The following SLIT3 variants were observed in gnomAD, a reference collection of about 807,000 sequenced individuals.
SLIT3 encodes slit guidance ligand 3.
A neutral mutation model predicts 184.0 loss-of-function variants in SLIT3; 68 were observed. That is an observed-to-expected ratio of 0.37 (90% confidence interval 0.30 to 0.45). The LOEUF is 0.45. SLIT3 is among the 20% of genes least tolerant of loss of function. The pLI, the probability that SLIT3 is intolerant of heterozygous loss-of-function variation, is 1.00. For synonymous variants in SLIT3, 831 were observed against 828.6 expected (o/e 1.00, Z -0.05); for missense variants, 1,707 against 2,026.0 (o/e 0.84, Z 3.02).
chr5:169,290,846 G>A (rs541297824), intron 1 of SLIT3, among the ~76,000 whole-genome samples: 3 of 152,114 alleles, frequency 2.0e-5, no homozygotes, highest in East Asian at 1.9e-4. Flanking sequence ...ACACGCTAGG[G>A]CACATGCTAG....
chr5:169,258,013 T>C (rs1203457897), intron 1 of SLIT3, among the ~76,000 whole-genome samples: 1 of 152,230 alleles, frequency 6.6e-6, no homozygotes, highest in Non-Finnish European at 1.5e-5. Flanking sequence ...TGTTCATTTA[T>C]CTAATCCAGA....
intron 6 of SLIT3, among the ~76,000 whole-genome samples, chr5:168,841,403 T>C (rs1758244016): frequency 6.6e-6 from 1 of 152,174 alleles, no homozygotes; most frequent in Admixed American, 6.6e-5. Context: ...TCCTCCTCCG[T>C]AGTGGCATGG....
At chr5:169,014,004 T>C (rs1756265812) in intron 4 of SLIT3, among the ~76,000 whole-genome samples, 1 of 152,100 alleles carries the variant, frequency 6.6e-6, no homozygotes, top group Non-Finnish European at 1.5e-5. Flanking sequence ...GGGAGAAGGA[T>C]AAAAGTCATA....
rs150953871 is a variant in SLIT3, at chr5:168,671,245, G to A, written c.4080C>T (p.Thr1360=). 2.8e-3 allele frequency: 4,532 copies of A among 1,612,782 alleles called. 16 individuals carry two copies. Among genetic ancestry groups the A allele is most frequent in the Middle Eastern group, 0.012 (69 of 5,984 alleles). ...GGGCCTCCTGATCGCAGAGTGGGCC[G>A]GTCCAGCCTGGGCGGCACTCGCACA... is the stretch of plus-strand genomic sequence containing the variant. The part of the protein sequence containing the change: ...SVVCECRPGW[T]GPLCDQEARD... The change falls in exon 34 of 36, where the codon ACC becomes ACT. Residue 1360 remains threonine, a synonymous_variant. Coordinates refer to ENST00000519560, the MANE Select transcript of SLIT3 (RefSeq NM_003062.4).
intron 7 of SLIT3, among the ~76,000 whole-genome samples, chr5:168,819,081 C>A (rs1234548155): frequency 6.6e-6 from 1 of 152,232 alleles, no homozygotes; most frequent in African/African-American, 2.4e-5. Flanking sequence ...ACAGTGAGTA[C>A]AATGGGTCCC....
chr5:168,897,647 T>TGCGCACACACACAC (rs3223457), intron 4 of SLIT3, among the ~76,000 whole-genome samples: 1 of 141,414 alleles, frequency 7.1e-6, no homozygotes, highest in African/African-American at 2.6e-5. Context: ...CAGGTGCACG[T>TGCGCACACACACAC]ACACACACAC....
At chr5:169,128,882 G>A (rs910184021) in intron 4 of SLIT3, among the ~76,000 whole-genome samples, 16 of 152,056 alleles carry the variant, frequency 1.1e-4, no homozygotes, top group African/African-American at 1.9e-4. Context: ...TGCAGCTCAC[G>A]CTCATCTGCT....
chr5:169,039,777 G>A (rs1379985708), intron 4 of SLIT3, among the ~76,000 whole-genome samples: 3 of 152,112 alleles, frequency 2.0e-5, no homozygotes, highest in Non-Finnish European at 2.9e-5. Flanking sequence ...CCTATCAAAC[G>A]ACTCCTTATC....
intron 16 of SLIT3, among the ~76,000 whole-genome samples, chr5:168,758,277 A>G (rs532140484): frequency 6.6e-6 from 1 of 152,310 alleles, no homozygotes; most frequent in East Asian, 1.9e-4. Context: ...TCATGTTCCT[A>G]TCAAAACTGG....
intron 5 of SLIT3, among the ~76,000 whole-genome samples, chr5:168,859,100 G>A (rs1176248382): frequency 3.3e-5 from 5 of 152,184 alleles, no homozygotes; most frequent in African/African-American, 1.2e-4. Context: ...CTTTGCCTGT[G>A]ATGGATAGCC....
At chr5:169,247,860 G>A (rs1163285725) in intron 2 of SLIT3, among the ~76,000 whole-genome samples, 1 of 152,100 alleles carries the variant, frequency 6.6e-6, no homozygotes, top group African/African-American at 2.4e-5. Context: ...CTGAGCTCAA[G>A]CAATCCACCC....
chr5:168,794,525 C>T (rs773102288), intron 10 of SLIT3, among the ~76,000 whole-genome samples: 20 of 152,126 alleles, frequency 1.3e-4, no homozygotes, highest in Non-Finnish European at 2.6e-4. Context: ...GTCCAGGCTG[C>T]TGTGGTGAGG....
At chr5:168,859,150 A>C (rs1759010858) in intron 5 of SLIT3, among the ~76,000 whole-genome samples, 1 of 152,198 alleles carries the variant, frequency 6.6e-6, no homozygotes, top group Non-Finnish European at 1.5e-5. Flanking sequence ...TCCTTGGGTC[A>C]GCACTGCGGC....
intron 3 of SLIT3, among the ~76,000 whole-genome samples, chr5:169,212,870 A>C (rs141649900): frequency 0.069 from 10,488 of 152,220 alleles, 452 homozygotes; most frequent in South Asian, 0.13. Flanking sequence ...ATGGCTAGCC[A>C]GTTTTCCTAA....
intron 4 of SLIT3, among the ~76,000 whole-genome samples, chr5:169,148,018 T>G (rs564287026): frequency 1.3e-5 from 2 of 152,300 alleles, no homozygotes; most frequent in South Asian, 4.1e-4. Flanking sequence ...TGTCTGTTTT[T>G]GCAGGTCAGG....
intron 4 of SLIT3, among the ~76,000 whole-genome samples, chr5:169,076,262 C>A (rs1048857080): frequency 2.6e-5 from 4 of 152,188 alleles, no homozygotes; most frequent in Admixed American, 6.5e-5. Flanking sequence ...AATTGAGGGC[C>A]TTTTCAGACT....
intron 4 of SLIT3, among the ~76,000 whole-genome samples, chr5:169,003,221 A>G (rs145987050): frequency 7.2e-5 from 11 of 152,346 alleles, no homozygotes; most frequent in Admixed American, 2.0e-4. Context: ...AACTTTGCAT[A>G]TCATTTCAAG....
intron 4 of SLIT3, among the ~76,000 whole-genome samples, chr5:169,119,715 T>C (rs1302623476): frequency 4.8e-5 from 7 of 145,530 alleles, no homozygotes; most frequent in African/African-American, 1.7e-4. Context: ...TGTGGCACGC[T>C]GCCTCTGTGG....
intron 4 of SLIT3, among the ~76,000 whole-genome samples, chr5:168,923,773 C>T (rs1761717832): frequency 6.6e-6 from 1 of 152,226 alleles, no homozygotes; most frequent in Non-Finnish European, 1.5e-5. Context: ...AACTTAGCCT[C>T]TCAAAGTGCT....
Sources: gnomAD v4.1 joint callset for allele counts (sites outside exome capture counted in the v4.1 genomes callset) on GRCh38, gnomAD v4.1.1 for gene constraint, MANE v1.5 for transcripts, NCBI Gene and HGNC (gene_info 2026-07-23, HGNC 2026-07-21) for gene names.